Variants in ZNF385D observed in about 807,000 individuals in gnomAD.
The protein encoded by ZNF385D is zinc finger protein 385D.
In ZNF385D, 15 loss-of-function variants were observed where a neutral mutation model predicts 35.8. The ratio of observed to expected loss-of-function variants is 0.42; its 90% CI spans 0.28 to 0.64. The LOEUF (loss-of-function observed/expected upper bound fraction) is 0.64, where lower values mean the gene tolerates loss of function less well. Among genes scored for constraint, ZNF385D ranks in the 30% least tolerant of loss-of-function variants. The pLI is 0.23. For missense variants in ZNF385D, 474 were observed against 494.6 expected, an observed-to-expected ratio of 0.96 and a Z score of 0.39; for synonymous variants, 212 against 186.8, an observed-to-expected ratio of 1.13 and a Z score of -1.10.
chr3:22,088,175 T>G (rs1701143233), intron 3 of ZNF385D, among the ~76,000 whole-genome samples: 1 of 152,176 alleles, frequency 6.6e-6, no homozygotes, highest in Non-Finnish European at 1.5e-5. Context: ...GAGAATACCC[T>G]TCTGCCCATG....
chr3:22,005,046 C>T (rs1300522027), intron 3 of ZNF385D, among the ~76,000 whole-genome samples: 2 of 87,400 alleles, frequency 2.3e-5, no homozygotes, highest in Non-Finnish European at 4.1e-5. Flanking sequence ...GAACTCAAAC[C>T]ACTCAGCAGC....
rs569006504 is a variant in ZNF385D, at chr3:21,695,045, G to A, written c.23-30017C>T. ...AAGTCATTTAACTTCTCTGTAAAAT[G>A]GGAACATTATATTGAAGATGAGATA... is the stretch of plus-strand genomic sequence containing the variant. On this transcript the variant is annotated intron_variant, in intron 1 of 7. Coordinates refer to ENST00000281523, the MANE Select transcript of ZNF385D (RefSeq NM_024697.3). 3.9e-5 allele frequency among the ~76,000 whole-genome samples: 6 copies of A among 152,224 alleles called. No individual in the cohort carries two copies. In the South Asian group the frequency reaches 1.2e-3, roughly 32 times the overall value.
chr3:21,833,409 C>A (rs182562954), intron 3 of ZNF385D, among the ~76,000 whole-genome samples: 131 of 152,240 alleles, frequency 8.6e-4, no homozygotes, highest in African/African-American at 3.1e-3. Flanking sequence ...TCACATGTAT[C>A]TTGTAAGAGA....
At chr3:21,637,166 T>G (rs898276326) in intron 2 of ZNF385D, among the ~76,000 whole-genome samples, 3 of 152,100 alleles carry the variant, frequency 2.0e-5, no homozygotes, top group Admixed American at 6.6e-5. Context: ...GGTCATGAAG[T>G]CTTTGCCTAA....
intron 3 of ZNF385D, among the ~76,000 whole-genome samples, chr3:22,021,514 A>G (rs115730378): frequency 0.019 from 2,854 of 152,166 alleles, 38 homozygotes; most frequent in Non-Finnish European, 0.03. Flanking sequence ...ACCGCTAACT[A>G]TATTTATGCC....
chr3:22,185,948 G>A (rs935732536), intron 2 of ZNF385D, among the ~76,000 whole-genome samples: 1 of 152,094 alleles, frequency 6.6e-6, no homozygotes, highest in African/African-American at 2.4e-5. Flanking sequence ...GGCAGAAGGT[G>A]GCATGAAAGG....
intron 3 of ZNF385D, among the ~76,000 whole-genome samples, chr3:21,815,522 C>T (rs2073108635): frequency 6.6e-6 from 1 of 152,170 alleles, no homozygotes; most frequent in Non-Finnish European, 1.5e-5. Context: ...CACAGAAATA[C>T]AAACTACCAT....
rs145910154 is a variant in ZNF385D, at chr3:22,299,606, A to G, written c.106+72844T>C. ...CTTCACTAGAAAACTGTTAGAACTA[A>G]TAAATGAATTCTGTAAAGTTTCAGG... On this transcript the variant is annotated intron_variant, in intron 2 of 5. Coordinates refer to the ZNF385D transcript ENST00000494108. 4.7e-3 allele frequency among the ~76,000 whole-genome samples: 715 copies of G among 152,066 alleles called. 5 individuals carry two copies. Among genetic ancestry groups the G allele is most frequent in the African/African-American group, 0.016 (681 of 41,570 alleles).
At chr3:21,756,491 T>A (rs1479735822) in intron 3 of ZNF385D, among the ~76,000 whole-genome samples, 2 of 152,130 alleles carry the variant, frequency 1.3e-5, no homozygotes, top group African/African-American at 4.8e-5. Flanking sequence ...AGTTTGGCTA[T>A]ATGGGTCTGG....
chr3:22,231,706 G>A (rs905129661), intron 2 of ZNF385D, among the ~76,000 whole-genome samples: 1 of 152,046 alleles, frequency 6.6e-6, no homozygotes, highest in African/African-American at 2.4e-5. Context: ...CAATCCTGGG[G>A]CAAGGAGCAG....
chr3:21,481,226 A>G (rs539934628), intron 4 of ZNF385D, among the ~76,000 whole-genome samples: 14 of 152,322 alleles, frequency 9.2e-5, no homozygotes, highest in Non-Finnish European at 1.9e-4. Context: ...GTGGTTTTCA[A>G]CATGTTTTTA....
intron 3 of ZNF385D, among the ~76,000 whole-genome samples, chr3:21,924,724 G>C (rs1042053024): frequency 6.6e-6 from 1 of 152,078 alleles, no homozygotes; most frequent in Non-Finnish European, 1.5e-5. Flanking sequence ...ACAAGTGGGG[G>C]CAGTAATAAG....
intron 3 of ZNF385D, among the ~76,000 whole-genome samples, chr3:21,909,339 TAAC>T (rs1392074396): frequency 3.3e-5 from 5 of 152,020 alleles, no homozygotes; most frequent in African/African-American, 1.2e-4. Flanking sequence ...CAACACAAAA[TAAC>T]TCTCATGGCT....
chr3:22,204,046 C>A (rs1035434658), intron 2 of ZNF385D, among the ~76,000 whole-genome samples: 3 of 152,028 alleles, frequency 2.0e-5, no homozygotes, highest in Non-Finnish European at 4.4e-5. Context: ...CAGTGCTGTG[C>A]TGGCTTTAGG....
At chr3:21,826,078 T>C (rs1212392572) in intron 3 of ZNF385D, among the ~76,000 whole-genome samples, 2 of 152,144 alleles carry the variant, frequency 1.3e-5, no homozygotes, top group African/African-American at 4.8e-5. Flanking sequence ...TCCACAAAAC[T>C]GGTCCCTAGT....
chr3:22,227,172 A>G (rs889195111), intron 2 of ZNF385D, among the ~76,000 whole-genome samples: 1 of 150,758 alleles, frequency 6.6e-6, no homozygotes, highest in African/African-American at 2.5e-5. Context: ...GTGTATATAT[A>G]TGTGTATGTG....
At chr3:21,585,393 A>G (rs999530726) in intron 2 of ZNF385D, among the ~76,000 whole-genome samples, 1 of 152,266 alleles carries the variant, frequency 6.6e-6, no homozygotes. Context: ...CTAAAACTAC[A>G]TTTTTAGCTT....
intron 3 of ZNF385D, among the ~76,000 whole-genome samples, chr3:21,974,629 G>C (rs916119053): frequency 6.6e-6 from 1 of 151,908 alleles, no homozygotes; most frequent in African/African-American, 2.4e-5. Flanking sequence ...ACAAATTGAA[G>C]AAACAACCCA....
Position 21,956,195 on chromosome 3 carries a change from A to G in ZNF385D, c.325+212622T>C, listed in dbSNP as rs112257918. Among the ~76,000 whole-genome samples, 59 of 152,074 alleles carry G rather than the reference A, an allele frequency of 3.9e-4. 1 individual carries two copies. Among genetic ancestry groups the G allele is most frequent in the African/African-American group, 1.3e-3 (54 of 41,512 alleles). ...GAGTGAGACTATGTCTCAGGAAACA[A>G]ACAAACAAAAAAAAGTGAAAGAAAG... On this transcript the variant is annotated intron_variant, in intron 3 of 5. Transcript: ENST00000494108.
Sources: gnomAD v4.1 joint callset for allele counts (sites outside exome capture counted in the v4.1 genomes callset) on GRCh38, gnomAD v4.1.1 for gene constraint, MANE v1.5 for transcripts, NCBI Gene and HGNC (gene_info 2026-07-23, HGNC 2026-07-21) for gene names.